ARL6: variants seen among roughly 807,000 people sequenced by gnomAD.
ARL6 encodes ARF like GTPase 6.
Under a neutral mutation model 27.1 loss-of-function variants are expected in ARL6, and 18 were observed. That is an observed-to-expected ratio of 0.66 (90% CI 0.46 to 0.98). ARL6 has a LOEUF of 0.98. Among genes scored for constraint, ARL6 ranks in the 50% least tolerant of loss-of-function variants. The pLI is 0.00. For missense variants in ARL6, 187 were observed against 214.9 expected (o/e 0.87, Z 0.81); for synonymous variants, 65 against 72.3 (o/e 0.90, Z 0.51).
chr3:97,779,141 A>G (rs1446543127), intron 2 of ARL6, among the ~76,000 whole-genome samples: 1 of 152,170 alleles, frequency 6.6e-6, no homozygotes, highest in African/African-American at 2.4e-5. Context: ...CTCCACGCAG[A>G]ATTCCCTACC....
rs751957701 is a variant in ARL6, at chr3:97,768,124, G to C, written c.17G>C (p.Arg6Thr). 4.8e-5 allele frequency: 78 copies of C among 1,612,870 alleles called. No homozygotes were observed. Among genetic ancestry groups the C allele is most frequent in the Non-Finnish European group, 6.4e-5 (76 of 1,179,162 alleles). MGLLD[R>T]LSVLLGLKKK... is the part of the protein sequence containing the mutation. The stretch of plus-strand genomic sequence containing the variant: ...AATCACATTATGGGATTGCTAGACA[G>C]ACTTTCAGTCTTGCTTGGCCTGAAG... Residue 6 changes from arginine (R) to threonine (T), a missense_variant, in exon 2 of 8, where the codon AGA (arginine) becomes ACA (threonine). Physicochemically the swap from Arg to Thr is moderately conservative, Grantham distance 71. Transcript: ENST00000463745.
intron 2 of ARL6, 32 bp from the exon 3 acceptor site, chr3:97,780,127 T>C (rs1315743313): frequency 1.3e-6 from 2 of 1,579,384 alleles, no homozygotes; most frequent in Non-Finnish European, 1.7e-6. Context: ...CTGGTAATTG[T>C]AAATTTCTGA....
At chr3:97,794,367 C>T (rs370900855) in intron 7 of ARL6, among the ~76,000 whole-genome samples, 131 of 152,108 alleles carry the variant, frequency 8.6e-4, no homozygotes, top group Middle Eastern at 3.4e-3. Flanking sequence ...TGCCTGCCAC[C>T]ATGCCCAGCT....
At chr3:97,773,282 C>A (rs1343403934) in intron 2 of ARL6, among the ~76,000 whole-genome samples, 7 of 152,140 alleles carry the variant, frequency 4.6e-5, no homozygotes, top group Non-Finnish European at 1.0e-4. Context: ...ATTTTTCTGC[C>A]TGCTTTATAT....
At chr3:97,776,076 C>T (rs1217609389) in intron 2 of ARL6, among the ~76,000 whole-genome samples, 1 of 152,170 alleles carries the variant, frequency 6.6e-6, no homozygotes, top group Non-Finnish European at 1.5e-5. Flanking sequence ...CTTTCTCACC[C>T]TTTAGCTCTA....
chr3:97,767,560 A>G (rs2036443189), intron 1 of ARL6, among the ~76,000 whole-genome samples: 1 of 152,196 alleles, frequency 6.6e-6, no homozygotes, highest in African/African-American at 2.4e-5. Flanking sequence ...TTGTAACTTC[A>G]TATTATTACA....
intron 6 of ARL6, among the ~76,000 whole-genome samples, chr3:97,790,461 T>C (rs1016486888): frequency 1.3e-5 from 2 of 151,962 alleles, no homozygotes; most frequent in Non-Finnish European, 2.9e-5. Flanking sequence ...AGGGCCAAGA[T>C]TTTCGCTTTA....
intron 6 of ARL6, among the ~76,000 whole-genome samples, chr3:97,789,511 T>G (rs532427282): frequency 6.6e-6 from 1 of 152,306 alleles, no homozygotes; most frequent in African/African-American, 2.4e-5. Context: ...ACAGATTTAT[T>G]TATTCAATTG....
At chr3:97,786,599 G>A (rs1425361117) in intron 5 of ARL6, among the ~76,000 whole-genome samples, 1 of 152,060 alleles carries the variant, frequency 6.6e-6, no homozygotes, top group African/African-American at 2.4e-5. Flanking sequence ...CAGCTGAAGT[G>A]TATATGAACT....
intron 2 of ARL6, among the ~76,000 whole-genome samples, chr3:97,773,855 T>C (rs1019082713): frequency 6.6e-6 from 1 of 152,222 alleles, no homozygotes; most frequent in Admixed American, 6.5e-5. Flanking sequence ...CTGTATTCCC[T>C]TTGCCTTCAG....
At chr3:97,768,003 CT>C (rs935050423) in intron 1 of ARL6, 77 bp from the exon 2 acceptor site, 27 of 1,304,752 alleles carry the variant, frequency 2.1e-5, no homozygotes, top group East Asian at 2.4e-5. Flanking sequence ...AAATTATTAC[CT>C]TTTTTTAATA....
intron 1 of ARL6, among the ~76,000 whole-genome samples, chr3:97,766,428 A>G (rs1441603745): frequency 6.6e-6 from 1 of 152,222 alleles, no homozygotes; most frequent in Non-Finnish European, 1.5e-5. Context: ...AGAAAAGCAG[A>G]TTGAAGTGGC....
At chr3:97,767,284 G>A (rs1379095004) in intron 1 of ARL6, among the ~76,000 whole-genome samples, 3 of 152,022 alleles carry the variant, frequency 2.0e-5, no homozygotes, top group South Asian at 2.1e-4. Context: ...ATACTAATAC[G>A]ATAAAGTCCT....
At chr3:97,769,530 G>A (rs2036544109) in intron 2 of ARL6, among the ~76,000 whole-genome samples, 1 of 151,938 alleles carries the variant, frequency 6.6e-6, no homozygotes, top group South Asian at 2.1e-4. Flanking sequence ...TATCTTTTTT[G>A]TATGTTCAGA....
chr3:97,795,687 C>A (rs4857293), intron 7 of ARL6, among the ~76,000 whole-genome samples: 1 of 151,908 alleles, frequency 6.6e-6, no homozygotes, highest in Admixed American at 6.6e-5. Context: ...AGATGCAAAG[C>A]CTCAGAAATT....
At chr3:97,766,353 A>G (rs1293677138) in intron 1 of ARL6, among the ~76,000 whole-genome samples, 1 of 152,252 alleles carries the variant, frequency 6.6e-6, no homozygotes, top group East Asian at 1.9e-4. Flanking sequence ...GATTTTACAA[A>G]TGCTGGTCCT....
intron 7 of ARL6, 101 bp from the exon 8 acceptor site, chr3:97,797,923 C>A: frequency 9.2e-7 from 1 of 1,089,576 alleles, no homozygotes; most frequent in Non-Finnish European, 1.4e-6. Flanking sequence ...CACATGTATA[C>A]ATAAGTTTCC....
chr3:97,792,417 AGGT>A (rs1199598161), intron 7 of ARL6, among the ~76,000 whole-genome samples: 4 of 152,164 alleles, frequency 2.6e-5, no homozygotes, highest in Admixed American at 1.3e-4. Context: ...CAGGAGATGG[AGGT>A]TGCAGTGAGC....
rs140114162 is a variant in ARL6, at chr3:97,780,621, A to G, written c.192A>G (p.Ser64=). ...GTTTTGCTTCTTTTTGTAGTTTGTC[A>G]TTTACAGTGTTTGACATGTCAGGTC... ...SIEKFKSSSL[S]FTVFDMSGQG... Residue 64 remains serine, a synonymous_variant, in exon 4 of 8, where the codon TCA becomes TCG. Transcript: ENST00000463745. The G allele has an allele frequency of 1.8e-4, 288 of 1,612,854 alleles. No homozygotes were observed. In the East Asian group the frequency reaches 5.8e-3, roughly 32 times the overall value.
Sources: allele counts gnomAD v4.1 joint callset (sites outside exome capture counted in the v4.1 genomes callset), GRCh38; gene constraint gnomAD v4.1.1; transcripts MANE v1.5; gene names NCBI Gene and HGNC (gene_info 2026-07-23, HGNC 2026-07-21).